Variants in SLC25A26 observed in about 807,000 individuals in gnomAD.
SLC25A26 encodes mitochondrial S-adenosylmethionine carrier protein.
In SLC25A26, 36 loss-of-function variants were observed where a neutral mutation model predicts 37.8. That is an observed-to-expected ratio of 0.95 (90% CI 0.73 to 1.26). SLC25A26 has a LOEUF of 1.26. Among genes scored for constraint, SLC25A26 ranks in the 50% most tolerant of loss-of-function variants. The pLI is 0.00. For synonymous variants in SLC25A26, 129 were observed against 122.5 expected (o/e 1.05, Z -0.35); for missense variants, 390 against 331.1 (o/e 1.18, Z -1.38).
At chr3:66,185,593 C>A (rs937044275) in intron 1 of SLC25A26, among the ~76,000 whole-genome samples, 212 of 152,226 alleles carry the variant, frequency 1.4e-3, no homozygotes, top group African/African-American at 4.8e-3. Flanking sequence ...TACATCCTGA[C>A]CTTAACAATG....
chr3:66,265,710 G>A (rs542810283), intron 5 of SLC25A26, among the ~76,000 whole-genome samples: 1 of 152,168 alleles, frequency 6.6e-6, no homozygotes, highest in Non-Finnish European at 1.5e-5. Flanking sequence ...AACCTAGTTG[G>A]TGTAGATCTT....
intron 5 of SLC25A26, among the ~76,000 whole-genome samples, chr3:66,316,996 G>A (rs2075558366): frequency 6.6e-6 from 1 of 152,152 alleles, no homozygotes; most frequent in African/African-American, 2.4e-5. Flanking sequence ...TTGGTTAACA[G>A]GTCCTGTAAT....
chr3:66,369,624 A>G, intron 8 of SLC25A26, 82 bp downstream of exon 8: 1 of 1,187,428 alleles, frequency 8.4e-7, no homozygotes, highest in South Asian at 1.4e-5. Flanking sequence ...TAAAGTGAAC[A>G]CAAATGGCTA....
intron 1 of SLC25A26, among the ~76,000 whole-genome samples, chr3:66,208,232 T>A (rs2071205975): frequency 1.3e-5 from 2 of 152,196 alleles, no homozygotes; most frequent in African/African-American, 4.8e-5. Flanking sequence ...TTGTTCATCA[T>A]AATGACTTTT....
At chr3:66,257,900 A>G (rs1351636977) in intron 3 of SLC25A26, among the ~76,000 whole-genome samples, 1 of 152,208 alleles carries the variant, frequency 6.6e-6, no homozygotes, top group East Asian at 1.9e-4. Flanking sequence ...AAACCTTCAT[A>G]TGTGCGCTGC....
intron 1 of SLC25A26, among the ~76,000 whole-genome samples, chr3:66,229,458 T>C (rs1000806641): frequency 3.3e-5 from 5 of 152,140 alleles, no homozygotes; most frequent in Non-Finnish European, 5.9e-5. Flanking sequence ...AGTTCCCCCA[T>C]GCTGTTCTCC....
At chr3:66,143,051 C>A (rs1361022184) in intron 1 of SLC25A26, among the ~76,000 whole-genome samples, 1 of 152,096 alleles carries the variant, frequency 6.6e-6, no homozygotes, top group African/African-American at 2.4e-5. Context: ...AAGATGTGAG[C>A]CACTGTGCCC....
At chr3:66,169,104 G>C (rs1490356999) in intron 1 of SLC25A26, among the ~76,000 whole-genome samples, 1 of 152,186 alleles carries the variant, frequency 6.6e-6, no homozygotes, top group Non-Finnish European at 1.5e-5. Context: ...CATCCTGGGT[G>C]ACAGAGCAAG....
intron 1 of SLC25A26, among the ~76,000 whole-genome samples, chr3:66,147,893 G>A (rs996642783): frequency 2.0e-5 from 3 of 152,116 alleles, no homozygotes; most frequent in African/African-American, 7.2e-5. Context: ...CCAGTAGCTG[G>A]GATTACAGGC....
intron 5 of SLC25A26, among the ~76,000 whole-genome samples, chr3:66,338,251 A>G (rs886627673): frequency 6.6e-6 from 1 of 151,972 alleles, no homozygotes; most frequent in South Asian, 2.1e-4. Context: ...TCTCTTATTG[A>G]TGGACGTTAG....
chr3:66,188,311 G>T (rs1208143388), intron 1 of SLC25A26, among the ~76,000 whole-genome samples: 1 of 152,102 alleles, frequency 6.6e-6, no homozygotes, highest in Non-Finnish European at 1.5e-5. Context: ...TTGAAAGTTT[G>T]TCTCCTCCAA....
intron 5 of SLC25A26, among the ~76,000 whole-genome samples, chr3:66,265,706 G>C (rs149406262): frequency 9.8e-5 from 15 of 152,324 alleles, no homozygotes; most frequent in East Asian, 3.9e-4. Flanking sequence ...TAGCAACCTA[G>C]TTGGTGTAGA....
intron 3 of SLC25A26, among the ~76,000 whole-genome samples, chr3:66,251,269 CTA>C (rs1402557068): frequency 1.3e-5 from 2 of 152,018 alleles, no homozygotes; most frequent in Non-Finnish European, 2.9e-5. Context: ...GATAAGGAGA[CTA>C]TTAAAGGAAT....
At chr3:66,229,995 A>C (rs2071935351) in intron 1 of SLC25A26, among the ~76,000 whole-genome samples, 1 of 152,258 alleles carries the variant, frequency 6.6e-6, no homozygotes, top group East Asian at 1.9e-4. Flanking sequence ...GAATAGCAGC[A>C]GATAGCTGAC....
At chr3:66,303,249 A>G (rs1559676804) in intron 5 of SLC25A26, among the ~76,000 whole-genome samples, 1 of 152,220 alleles carries the variant, frequency 6.6e-6, no homozygotes. Flanking sequence ...CTACAGTATC[A>G]GAGAGGAGAT....
At chr3:66,345,048 G>T (rs1384761351) in intron 5 of SLC25A26, among the ~76,000 whole-genome samples, 2 of 152,218 alleles carry the variant, frequency 1.3e-5, no homozygotes, top group African/African-American at 4.8e-5. Context: ...CATATTTGCA[G>T]AGTACCTGGC....
chr3:66,137,752 C>T (rs891245406), intron 1 of SLC25A26, among the ~76,000 whole-genome samples: 23 of 152,266 alleles, frequency 1.5e-4, no homozygotes, highest in African/African-American at 5.3e-4. Flanking sequence ...TAATACAGTT[C>T]CTAGCACCTA....
intron 5 of SLC25A26, among the ~76,000 whole-genome samples, chr3:66,303,569 A>G (rs144621764): frequency 2.6e-4 from 40 of 152,350 alleles, no homozygotes; most frequent in African/African-American, 9.1e-4. Flanking sequence ...AGAATGTCCC[A>G]CATTTTTCAC....
At chr3:66,376,988 C>T (rs1006783109) in intron 9 of SLC25A26, among the ~76,000 whole-genome samples, 3 of 152,112 alleles carry the variant, frequency 2.0e-5, no homozygotes, top group South Asian at 2.1e-4. Flanking sequence ...TTATACTGTG[C>T]CATAACTTAT....
Sources: allele counts gnomAD v4.1 joint callset (sites outside exome capture counted in the v4.1 genomes callset), GRCh38; gene constraint gnomAD v4.1.1; transcripts MANE v1.5; gene names NCBI Gene and HGNC (gene_info 2026-07-23, HGNC 2026-07-21).